HADH: variants seen among roughly 807,000 people sequenced by gnomAD.
HADH encodes hydroxyacyl-coenzyme A dehydrogenase, mitochondrial.
A neutral mutation model predicts 32.2 loss-of-function variants in HADH; 24 were observed. That is an observed-to-expected ratio of 0.75 (90% CI 0.54 to 1.05). The LOEUF (loss-of-function observed/expected upper bound fraction) is 1.05. HADH is among the 50% of genes least tolerant of loss of function. The pLI is 0.00. For missense variants in HADH, 350 were observed against 397.1 expected (o/e 0.88, Z 1.01); for synonymous variants, 139 against 152.5 (o/e 0.91, Z 0.65).
At chr4:107,999,093 G>A (rs538322594) in intron 1 of HADH, among the ~76,000 whole-genome samples, 2 of 152,316 alleles carry the variant, frequency 1.3e-5, no homozygotes, top group East Asian at 3.9e-4. Context: ...TGATAGAGAA[G>A]AAACCTGTGT....
chr4:108,000,918 A>C (rs1578245476), intron 1 of HADH, among the ~76,000 whole-genome samples: 1 of 152,362 alleles, frequency 6.6e-6, no homozygotes, highest in East Asian at 1.9e-4. Context: ...GCATGTGATA[A>C]GTACTAAGGG....
chr4:108,005,764 C>A (rs1350727556), intron 1 of HADH, among the ~76,000 whole-genome samples: 1 of 152,138 alleles, frequency 6.6e-6, no homozygotes, highest in Non-Finnish European at 1.5e-5. Context: ...GGAACGCACT[C>A]TGTATGGGAG....
chr4:108,000,611 C>T (rs1735093416), intron 1 of HADH, among the ~76,000 whole-genome samples: 1 of 152,188 alleles, frequency 6.6e-6, no homozygotes, highest in Non-Finnish European at 1.5e-5. Flanking sequence ...TCTGCTGTAT[C>T]TGCAAATCAC....
intron 2 of HADH, among the ~76,000 whole-genome samples, chr4:108,011,129 G>A (rs1735480220): frequency 1.3e-5 from 2 of 152,130 alleles, no homozygotes; most frequent in East Asian, 1.9e-4. Flanking sequence ...TTACAGGTGT[G>A]AGCCACCACT....
chr4:108,000,310 G>C (rs1735081836), intron 1 of HADH, among the ~76,000 whole-genome samples: 1 of 152,176 alleles, frequency 6.6e-6, no homozygotes, highest in South Asian at 2.1e-4. Flanking sequence ...TTACATATCA[G>C]TTTTTTAAAG....
At chr4:108,009,929 C>G in intron 2 of HADH, 42 bp downstream of exon 2, 1 of 1,401,910 alleles carries the variant, frequency 7.1e-7, no homozygotes, top group Non-Finnish European at 1.0e-6. Context: ...AGTCCTCTGA[C>G]TGCTTTACAT....
At chr4:107,995,480 G>C (rs964194512) in intron 1 of HADH, among the ~76,000 whole-genome samples, 2 of 152,160 alleles carry the variant, frequency 1.3e-5, no homozygotes, top group African/African-American at 4.8e-5. Context: ...TGTCGGAAGA[G>C]TTTTGATATA....
At chr4:108,007,969 A>G (rs537831144) in intron 1 of HADH, among the ~76,000 whole-genome samples, 1 of 152,320 alleles carries the variant, frequency 6.6e-6, no homozygotes, top group Admixed American at 6.5e-5. Context: ...GATTGGGTTG[A>G]TCTCTGCACA....
chr4:108,009,977 C>CTTTTTTTTTTT (rs11388783), intron 2 of HADH, 90 bp downstream of exon 2: 11 of 552,116 alleles, frequency 2.0e-5, no homozygotes, highest in South Asian at 4.4e-5. Flanking sequence ...TTCTTTCTTT[C>CTTTTTTTTTTT]TTTTTTTTTT....
chr4:108,009,907 G>A lies in HADH; in HGVS notation c.261+20G>A, dbSNP rs766469794. 1.9e-6 allele frequency: 3 copies of A among 1,567,276 alleles called. No homozygotes were observed. Among genetic ancestry groups the A allele is most frequent in the South Asian group, 1.1e-5 (1 of 90,204 alleles). On this transcript the variant is annotated intron_variant, in intron 2 of 7. Transcript: ENST00000309522. ...CTTAAGGTAATTTCTTATTATCGAT[G>A]TCTTCAAGACAAGTCCTCTGACTGC...
chr4:108,009,977 CTT>C (rs11388783), intron 2 of HADH, 90 bp downstream of exon 2: 2,273 of 547,650 alleles, frequency 4.2e-3, no homozygotes, highest in Non-Finnish European at 4.4e-3. Context: ...TTCTTTCTTT[CTT>C]TTTTTTTTTT....
intron 1 of HADH, among the ~76,000 whole-genome samples, chr4:107,990,979 T>G (rs1221837848): frequency 6.6e-6 from 1 of 152,074 alleles, no homozygotes; most frequent in African/African-American, 2.4e-5. Flanking sequence ...TGACCAAAGG[T>G]GATCCGCCCG....
At chr4:108,027,401 C>G in intron 5 of HADH, 2 of 495,644 alleles carry the variant, frequency 4.0e-6, no homozygotes, top group East Asian at 3.9e-5. Context: ...AAATCTGTCT[C>G]TCCCAAAGCC....
At chr4:107,997,955 T>G (rs1159879441) in intron 1 of HADH, among the ~76,000 whole-genome samples, 1 of 152,192 alleles carries the variant, frequency 6.6e-6, no homozygotes, top group Non-Finnish European at 1.5e-5. Context: ...GTAGTTATTT[T>G]CTAAATAAGA....
At chr4:108,004,983 A>G (rs1401851649) in intron 1 of HADH, 1 of 1,144,960 alleles carries the variant, frequency 8.7e-7, no homozygotes, top group Non-Finnish European at 1.3e-6. Flanking sequence ...AAACGAAGTG[A>G]TAATACTGTA....
At chr4:108,027,582 G>T in intron 5 of HADH, 106 bp from the exon 6 acceptor site, 1 of 784,410 alleles carries the variant, frequency 1.3e-6, no homozygotes. Flanking sequence ...CTTGATAAAT[G>T]GGGGCAAACA....
chr4:107,994,441 C>T (rs1294371746), intron 1 of HADH, among the ~76,000 whole-genome samples: 1 of 152,178 alleles, frequency 6.6e-6, no homozygotes, highest in East Asian at 1.9e-4. Flanking sequence ...CTTCTTCTTG[C>T]CCCCAAATCT....
intron 1 of HADH, among the ~76,000 whole-genome samples, chr4:108,002,375 C>T (rs1311339114): frequency 1.3e-5 from 2 of 152,112 alleles, no homozygotes; most frequent in African/African-American, 4.8e-5. Context: ...ATCTAGGTTT[C>T]GTGTCCTTGT....
At chr4:107,993,370 T>C (rs1734868595) in intron 1 of HADH, among the ~76,000 whole-genome samples, 1 of 152,202 alleles carries the variant, frequency 6.6e-6, no homozygotes. Context: ...TTACCCCCCA[T>C]TTTATTGTTA....
Sources: gnomAD v4.1 joint callset for allele counts (sites outside exome capture counted in the v4.1 genomes callset) on GRCh38, gnomAD v4.1.1 for gene constraint, MANE v1.5 for transcripts, NCBI Gene and HGNC (gene_info 2026-07-23, HGNC 2026-07-21) for gene names.